HOXA3: variants seen among roughly 807,000 people sequenced by gnomAD.
HOXA3 encodes homeobox A3.
A neutral mutation model predicts 30.3 loss-of-function variants in HOXA3; 8 were observed. The observed-to-expected ratio is 0.26, with a 90% CI of 0.15 to 0.48. The LOEUF (loss-of-function observed/expected upper bound fraction) is 0.48. Among genes scored for constraint, HOXA3 ranks in the 20% least tolerant of loss-of-function variants. The pLI is 0.99. For missense variants in HOXA3, 653 were observed against 614.4 expected (o/e 1.06, Z -0.66); for synonymous variants, 323 against 273.1 (o/e 1.18, Z -1.80).
In HOXA3 at chr7:27,108,409, T is replaced by A; in HGVS notation, c.838A>T (p.Met280Leu). 1.2e-6 allele frequency: 2 copies of A among 1,611,212 alleles called. No homozygotes were observed. Among genetic ancestry groups the A allele is most frequent in the Non-Finnish European group, 1.7e-6 (2 of 1,178,434 alleles). Residue 280 changes from methionine to leucine, a missense_variant, in exon 6 of 6, where the codon ATG becomes TTG. Physicochemically the swap from Met to Leu is conservative, Grantham distance 15. Around this residue, in one of 3 missense-constraint regions of HOXA3, gnomAD observed 330 missense variants for 274.4 expected, o/e 1.20. Transcript: ENST00000612286. The surrounding 1 kb of genome is among the most constrained non-coding windows in gnomAD (Gnocchi z 5.0). ...GGGACGCTGTTGACCAGCGAATGCA[T>A]AGAGTTCAGATAGCCACCGGCTCCG... ...PPGAGGYLNS[M>L]HSLVNSVPYE...
intron 2 of HOXA3, among the ~76,000 whole-genome samples, chr7:27,139,339 C>T (rs776995911): frequency 6.6e-6 from 1 of 152,124 alleles, no homozygotes; most frequent in Non-Finnish European, 1.5e-5. Context: ...GAACACCCCC[C>T]CACACCAGGG....
At position 27,110,457 on chromosome 7, in the gene HOXA3, G is replaced by C; in HGVS notation, c.184C>G (p.Pro62Ala). The C allele has an allele frequency of 6.3e-7, 1 of 1,591,308 alleles. No individual in the cohort carries two copies. Among genetic ancestry groups the C allele is most frequent in the Non-Finnish European group, 8.6e-7 (1 of 1,167,110 alleles). Residue 62 changes from proline to alanine, a missense_variant, in exon 5 of 6, where the codon CCC becomes GCC. By Grantham distance (27) the Pro-to-Ala change is conservative. Coordinates refer to ENST00000612286, the MANE Select transcript of HOXA3 (RefSeq NM_153631.3). ...GCCTCACTCAGTTCGTGTGCCTTGG[G>C]GTGGCCCCCGGCGCTGGAGGGAGAC... is the stretch of plus-strand genomic sequence containing the variant. ...LQSPSSAGGHPKAHELSEACL... is the reference protein window; with the variant it reads ...LQSPSSAGGHAKAHELSEACL...
chr7:27,137,873 G>T lies in HOXA3; in HGVS notation c.-390+2210C>A, dbSNP rs1178030596. Reference sequence around the variant, plus strand: ...GCTTTCTGCTCATTCCCACACCCCAGGGTGGAATATGGCCATGAAGTAGTG... The same window carrying T: ...GCTTTCTGCTCATTCCCACACCCCATGGTGGAATATGGCCATGAAGTAGTG... On this transcript the variant is annotated intron_variant, in intron 2 of 5. Coordinates refer to ENST00000612286, the MANE Select transcript of HOXA3 (RefSeq NM_153631.3). Among the ~76,000 whole-genome samples, 3 of 152,182 alleles carry T rather than the reference G, an allele frequency of 2.0e-5. No individual in the cohort carries two copies. In the East Asian group the frequency reaches 5.8e-4, roughly 29 times the overall value.
In HOXA3 at chr7:27,131,955, T is replaced by C. The variant is rs17471471; in HGVS notation, c.-389-4885A>G. On this transcript the variant is annotated intron_variant, in intron 2 of 5. Coordinates refer to ENST00000612286, the MANE Select transcript of HOXA3 (RefSeq NM_153631.3). ...TCCGGAAAGGAGGGAGAGGAGACTG[T>C]TGCCTGCTATTTGGTAATTGAAATT... 1.6e-3 allele frequency among the ~76,000 whole-genome samples: 242 copies of C among 152,350 alleles called. 8 individuals carry two copies. In the East Asian group the frequency reaches 0.044, roughly 28 times the overall value.
chr7:27,111,299 C>CCTG (rs1784360873), intron 4 of HOXA3, among the ~76,000 whole-genome samples: 1 of 152,148 alleles, frequency 6.6e-6, no homozygotes, highest in South Asian at 2.1e-4. Flanking sequence ...CTTGGACCTT[C>CCTG]CTGCTCCCAA....
At chr7:27,109,062 G>A (rs556643382) in intron 5 of HOXA3, among the ~76,000 whole-genome samples, 51 of 152,240 alleles carry the variant, frequency 3.3e-4, no homozygotes, top group African/African-American at 1.2e-3. Context: ...CCTGTGGGCC[G>A]GTCTCAGCAT....
chr7:27,118,062 C>T (rs1281127959), intron 4 of HOXA3, among the ~76,000 whole-genome samples: 1 of 152,252 alleles, frequency 6.6e-6, no homozygotes, highest in African/African-American at 2.4e-5. Flanking sequence ...GCTGAGGGTC[C>T]TGTCCATGAG....
intron 1 of HOXA3, chr7:27,147,412 G>A: frequency 1.2e-6 from 2 of 1,614,228 alleles, no homozygotes; most frequent in East Asian, 2.2e-5. Flanking sequence ...GCTGCTGTCG[G>A]GTTTGTACTG....
intron 2 of HOXA3, among the ~76,000 whole-genome samples, chr7:27,137,308 C>T (rs1785744503): frequency 1.3e-5 from 2 of 152,066 alleles, no homozygotes; most frequent in Admixed American, 1.3e-4. Context: ...CCATGGAAAC[C>T]CTAACAAACC....
chr7:27,142,432 C>G (rs988520317), intron 1 of HOXA3, among the ~76,000 whole-genome samples: 1 of 152,180 alleles, frequency 6.6e-6, no homozygotes, highest in Non-Finnish European at 1.5e-5. Flanking sequence ...AAGCAAGGCC[C>G]TTTCCTGAGC....
intron 2 of HOXA3, among the ~76,000 whole-genome samples, chr7:27,134,468 T>C (rs1463929074): frequency 6.6e-6 from 1 of 152,222 alleles, no homozygotes; most frequent in Non-Finnish European, 1.5e-5. Flanking sequence ...GTATCTATGG[T>C]TTTTGAAGCT....
intron 1 of HOXA3, chr7:27,142,982 A>C: frequency 3.6e-6 from 5 of 1,395,532 alleles, no homozygotes; most frequent in Non-Finnish European, 4.8e-6. Flanking sequence ...GCGGCAGAGA[A>C]GAGAGGGGGG....
At chr7:27,127,093 T>G (rs1029792507) in intron 2 of HOXA3, 23 bp from the exon 3 acceptor site, 13 of 152,148 alleles carry the variant, frequency 8.5e-5, no homozygotes, top group Middle Eastern at 3.2e-3. Flanking sequence ...AAAGAAGTAT[T>G]TATTGTTTGA....
intron 3 of HOXA3, chr7:27,122,885 A>G (rs1002088981): frequency 2.0e-5 from 3 of 148,786 alleles, no homozygotes; most frequent in African/African-American, 7.4e-5. Flanking sequence ...CTCCACACCC[A>G]TACTTTCTCC....
chr7:27,107,659 G>C lies in HOXA3; in HGVS notation c.*256C>G. ...GAAGGTAAAGGGTGCAGGGCCAGTG[G>C]CCTATCGAGGAGCAGGAAGAGATAA... On this transcript the variant is annotated 3_prime_UTR_variant, in exon 6 of 6. Transcript: ENST00000612286. 2 of 395,410 alleles carry C rather than the reference G, an allele frequency of 5.1e-6. No individual in the cohort carries two copies. Among genetic ancestry groups the C allele is most frequent in the Admixed American group, 8.3e-5 (2 of 24,196 alleles). The allele number at this position is 395,410 out of a possible 1,614,324, so 24.5% of individuals were successfully genotyped here. A position where few individuals can be genotyped will look rare whatever the true frequency, so the allele number is the denominator to read the frequency against.
chr7:27,139,829 C>T (rs1314550059), intron 2 of HOXA3, among the ~76,000 whole-genome samples: 1 of 152,172 alleles, frequency 6.6e-6, no homozygotes, highest in African/African-American at 2.4e-5. Context: ...CAGCGGAAGT[C>T]ATTAACATCC....
Position 27,114,627 on chromosome 7 carries a change from C to T in HOXA3, c.-120-3867G>A, listed in dbSNP as rs1784571890. Among the ~76,000 whole-genome samples the T allele has an allele frequency of 2.0e-5, 3 of 149,848 alleles. No homozygotes were observed. The South Asian group carries it at 6.3e-4, about 32-fold the overall frequency. ...GGGATGCTCTGGGCTCAGGTACAAA[C>T]AAGGGTGTTTAGAAACGCGGATCTC... On this transcript the variant is annotated intron_variant, in intron 4 of 5. Coordinates refer to ENST00000612286, the MANE Select transcript of HOXA3 (RefSeq NM_153631.3).
Position 27,108,448 on chromosome 7 carries a change from T to G in HOXA3, c.799A>C (p.Ser267Arg). 6.2e-7 allele frequency: 1 copy of G among 1,614,078 alleles called. No homozygotes were observed. Among genetic ancestry groups the G allele is most frequent in the Non-Finnish European group, 8.5e-7 (1 of 1,179,966 alleles). Residue 267 changes from serine to arginine, a missense_variant, in exon 6 of 6, where the codon AGC becomes CGC. Ser to Arg is a moderately radical substitution (Grantham distance 110, BLOSUM62 -1). Coordinates refer to ENST00000612286, the MANE Select transcript of HOXA3 (RefSeq NM_153631.3). This position sits in a 1 kb window ranked among gnomAD's most constrained non-coding sequence, Gnocchi z 5.0. ...CCACCGGCTCCGGGGGGCACGGGGC[T>G]GCGACTTGGAGACTGGCCCCCCGAT... is the stretch of plus-strand genomic sequence containing the variant. ...TSSGGQSPSR[S>R]PVPPGAGGYL...
chr7:27,112,965 G>A (rs1345490610), intron 4 of HOXA3, among the ~76,000 whole-genome samples: 2 of 152,034 alleles, frequency 1.3e-5, no homozygotes, highest in African/African-American at 4.8e-5. Flanking sequence ...ATATAAATTC[G>A]ATTCTGGGAT....
Sources: gnomAD v4.1 joint callset for allele counts (sites outside exome capture counted in the v4.1 genomes callset) on GRCh38, gnomAD v4.1.1 for gene constraint, gnomAD v4.1.1 regional missense constraint, Gnocchi (gnomAD v3.1) non-coding constraint, MANE v1.5 for transcripts, NCBI Gene and HGNC (gene_info 2026-07-23, HGNC 2026-07-21) for gene names.